The following RERE variants were observed in gnomAD, a reference collection of about 807,000 sequenced individuals.
RERE encodes arginine-glutamic acid dipeptide repeats, also known as arginine-glutamic acid dipeptide repeats protein.
RERE carries 40 observed loss-of-function variants against 146.1 expected under a neutral mutation model. That is an observed-to-expected ratio of 0.27 (90% CI 0.21 to 0.36). The LOEUF (loss-of-function observed/expected upper bound fraction) is 0.36, where lower values mean the gene tolerates loss of function less well. RERE is among the 10% of genes least tolerant of loss of function. The pLI is 1.00. For synonymous variants in RERE, 1,003 were observed against 866.0 expected (o/e 1.16, Z -2.78); for missense variants, 1,933 against 2,138.7 (o/e 0.90, Z 1.90).
intron 1 of RERE, among the ~76,000 whole-genome samples, chr1:8,739,985 G>T (rs149827640): frequency 4.6e-5 from 7 of 151,984 alleles, no homozygotes; most frequent in Middle Eastern, 3.4e-3. Flanking sequence ...GCCCAGAACA[G>T]CCTTCCTTCT....
At chr1:8,516,450 T>C (rs1645419963) in intron 7 of RERE, among the ~76,000 whole-genome samples, 1 of 152,144 alleles carries the variant, frequency 6.6e-6, no homozygotes, top group African/African-American at 2.4e-5. Flanking sequence ...GAACATTTAC[T>C]ATGTACCAGG....
intron 8 of RERE, among the ~76,000 whole-genome samples, chr1:8,502,644 A>G (rs931033911): frequency 1.5e-3 from 220 of 149,844 alleles, no homozygotes; most frequent in African/African-American, 5.2e-3. Flanking sequence ...GTGGAATAGA[A>G]AGGCGGGAAG....
intron 10 of RERE, among the ~76,000 whole-genome samples, chr1:8,475,631 G>A (rs375769554): frequency 6.6e-6 from 1 of 151,340 alleles, no homozygotes; most frequent in Non-Finnish European, 1.5e-5. Context: ...GCAGTGAGCC[G>A]AGATCACGCC....
intron 1 of RERE, among the ~76,000 whole-genome samples, chr1:8,764,058 T>C (rs557893700): frequency 2.0e-5 from 3 of 152,074 alleles, no homozygotes; most frequent in Non-Finnish European, 2.9e-5. Flanking sequence ...CCAGCTGCAG[T>C]GTACCAATCC....
chr1:8,696,811 G>A (rs1639341151), intron 1 of RERE, among the ~76,000 whole-genome samples: 1 of 152,160 alleles, frequency 6.6e-6, no homozygotes, highest in Non-Finnish European at 1.5e-5. Flanking sequence ...TCAGGAGGCT[G>A]AGGCAGGAGT....
At chr1:8,689,821 A>G (rs1221273129) in intron 1 of RERE, among the ~76,000 whole-genome samples, 3 of 152,074 alleles carry the variant, frequency 2.0e-5, no homozygotes, top group Non-Finnish European at 4.4e-5. Flanking sequence ...CACTTCCAAA[A>G]TGTAAACTGT....
intron 1 of RERE, among the ~76,000 whole-genome samples, chr1:8,676,710 C>G (rs1638848825): frequency 6.6e-6 from 1 of 152,162 alleles, no homozygotes. Flanking sequence ...CCTCTGTGGT[C>G]CCCAGGGAGT....
intron 7 of RERE, among the ~76,000 whole-genome samples, chr1:8,512,449 G>A (rs1309730027): frequency 6.6e-6 from 1 of 151,858 alleles, no homozygotes; most frequent in East Asian, 1.9e-4. Flanking sequence ...AATAATTACT[G>A]GAGTGTGTCT....
chr1:8,768,858 C>A (rs573623638), intron 1 of RERE, among the ~76,000 whole-genome samples: 3 of 152,166 alleles, frequency 2.0e-5, no homozygotes, highest in Non-Finnish European at 4.4e-5. Flanking sequence ...CCATTTCACA[C>A]CCCAAGTTCC....
chr1:8,600,470 CATA>C (rs1275859840), intron 4 of RERE, among the ~76,000 whole-genome samples: 3 of 152,106 alleles, frequency 2.0e-5, no homozygotes, highest in Non-Finnish European at 4.4e-5. Context: ...GATTGAAAAT[CATA>C]ATAATAGCTG....
chr1:8,627,785 G>A (rs562161241), intron 2 of RERE, among the ~76,000 whole-genome samples: 1 of 152,114 alleles, frequency 6.6e-6, no homozygotes, highest in South Asian at 2.1e-4. Context: ...CCAGAAAAAG[G>A]AAAAAGAACC....
At chr1:8,560,139 G>A (rs552608988) in intron 4 of RERE, among the ~76,000 whole-genome samples, 1 of 152,128 alleles carries the variant, frequency 6.6e-6, no homozygotes, top group East Asian at 1.9e-4. Context: ...GCAGTGCTTG[G>A]GGATGCATTC....
intron 11 of RERE, among the ~76,000 whole-genome samples, chr1:8,454,460 T>C (rs1334549486): frequency 1.3e-5 from 2 of 151,952 alleles, no homozygotes; most frequent in Admixed American, 1.3e-4. Flanking sequence ...ACCTCAGAAT[T>C]TTCCCCTTCC....
At chr1:8,494,192 T>C (rs1645014173) in intron 10 of RERE, among the ~76,000 whole-genome samples, 1 of 152,240 alleles carries the variant, frequency 6.6e-6, no homozygotes, top group Non-Finnish European at 1.5e-5. Flanking sequence ...ATTATTCGTG[T>C]AAAACTTTTT....
At chr1:8,359,361 G>A (rs1297001836) in intron 19 of RERE, among the ~76,000 whole-genome samples, 3 of 152,342 alleles carry the variant, frequency 2.0e-5, no homozygotes, top group Admixed American at 1.3e-4. Flanking sequence ...CACAAAGGCA[G>A]GGCAGCTGGA....
rs561310562 is a variant in RERE at position 8,772,867 on chromosome 1, T to C, written c.-145+44293A>G. On this transcript the variant is annotated intron_variant, in intron 1 of 22. Coordinates refer to ENST00000400908, the MANE Select transcript of RERE (RefSeq NM_001042681.2). ...ACTTTGGAAGGCTGAGGCAGGTGGA[T>C]CACTTGAGGCCAGGAGTTCAAGGCC... Among the ~76,000 whole-genome samples the C allele has an allele frequency of 1.1e-4, 16 of 152,290 alleles. No homozygotes were observed. In the East Asian group the frequency reaches 3.1e-3, roughly 29 times the overall value.
At chr1:8,377,199 C>T (rs1222072279) in intron 12 of RERE, among the ~76,000 whole-genome samples, 4 of 152,212 alleles carry the variant, frequency 2.6e-5, no homozygotes, top group Admixed American at 1.3e-4. Flanking sequence ...GGGGAATCAC[C>T]CCGGCCTCTG....
chr1:8,655,865 A>C (rs1638269268), intron 2 of RERE, 108 bp downstream of exon 2: 2 of 1,508,380 alleles, frequency 1.3e-6, no homozygotes, highest in East Asian at 2.3e-5. Context: ...CTACTCTTCT[A>C]GATTCCAAGC....
intron 1 of RERE, among the ~76,000 whole-genome samples, chr1:8,740,229 C>A (rs181607176): frequency 6.6e-6 from 1 of 152,260 alleles, no homozygotes; most frequent in East Asian, 1.9e-4. Context: ...CTAGATGATA[C>A]CCTATAGCCT....
Sources: gnomAD v4.1 joint callset for allele counts (sites outside exome capture counted in the v4.1 genomes callset) on GRCh38, gnomAD v4.1.1 for gene constraint, MANE v1.5 for transcripts, NCBI Gene and HGNC (gene_info 2026-07-23, HGNC 2026-07-21) for gene names.